ACYP2: variants seen among roughly 807,000 people sequenced by gnomAD.
The protein encoded by ACYP2 is acylphosphatase 2.
In ACYP2, 12 loss-of-function variants were observed where a neutral mutation model predicts 11.2. That is an observed-to-expected ratio of 1.08 (90% CI 0.69 to 1.74). The LOEUF (loss-of-function observed/expected upper bound fraction) is 1.74, where lower values mean the gene tolerates loss of function less well. ACYP2 is among the 40% of genes most tolerant of loss of function. The pLI is 0.00. For missense variants in ACYP2, 134 were observed against 101.9 expected (o/e 1.31, Z -1.35); for synonymous variants, 43 against 32.2 (o/e 1.33, Z -1.13).
At chr2:54,188,353 A>AT (rs1296226115) in intron 6 of ACYP2, among the ~76,000 whole-genome samples, 1 of 152,170 alleles carries the variant, frequency 6.6e-6, no homozygotes, top group African/African-American at 2.4e-5. Flanking sequence ...AAAGTTAAAT[A>AT]TTTTTTCCAT....
intron 2 of ACYP2, among the ~76,000 whole-genome samples, chr2:54,031,118 ACTT>A (rs200127993): frequency 0.017 from 2,511 of 152,114 alleles, 61 homozygotes; most frequent in African/African-American, 0.053. Context: ...GGAGGAAAGC[ACTT>A]CTTCTTCTTT....
intron 6 of ACYP2, among the ~76,000 whole-genome samples, chr2:54,278,416 T>A (rs1029487793): frequency 6.6e-6 from 1 of 152,228 alleles, no homozygotes; most frequent in Non-Finnish European, 1.5e-5. Flanking sequence ...AAGAATAAAT[T>A]GGTGGTTGGA....
rs796257693 is a variant in ACYP2, at chr2:54,298,434, C to T, written c.405-6254C>T. ...TCCCTCCTCAACCCTACTTAAGTATCAGTAAAAATGATTTTTAAAAACCCT... is the reference window on the plus strand; with the variant it reads ...TCCCTCCTCAACCCTACTTAAGTATTAGTAAAAATGATTTTTAAAAACCCT... On this transcript the variant is annotated intron_variant, in intron 6 of 6. Coordinates refer to ENST00000607452, the MANE Select transcript of ACYP2 (RefSeq NM_001320586.2). 3.9e-5 allele frequency among the ~76,000 whole-genome samples: 6 copies of T among 152,280 alleles called. 1 individual carries two copies. Among genetic ancestry groups the T allele is most frequent in the African/African-American group, 1.4e-4 (6 of 41,558 alleles).
At chr2:54,243,280 G>A (rs1182912697) in intron 6 of ACYP2, among the ~76,000 whole-genome samples, 1 of 152,126 alleles carries the variant, frequency 6.6e-6, no homozygotes, top group Non-Finnish European at 1.5e-5. Flanking sequence ...AGATGGTAGA[G>A]CCTACTACAC....
At chr2:54,255,967 T>C (rs767883384) in intron 6 of ACYP2, 251 of 1,613,970 alleles carry the variant, frequency 1.6e-4, no homozygotes, top group Non-Finnish European at 2.1e-4. Context: ...TGCGGGATCC[T>C]GGGGCGCGAC....
rs188506067 is a variant in ACYP2, at chr2:54,295,554, A to C, written c.405-9134A>C. Reference sequence around the variant, plus strand: ...CTCCTCCCACGCATGGAAGCTGTAGACCTGAAGAAGGTAGGCAGATGACAA... The same window carrying C: ...CTCCTCCCACGCATGGAAGCTGTAGCCCTGAAGAAGGTAGGCAGATGACAA... On this transcript the variant is annotated intron_variant, in intron 6 of 6. Transcript: ENST00000607452. Among the ~76,000 whole-genome samples, 21 of 152,262 alleles carry C rather than the reference A, an allele frequency of 1.4e-4. No homozygotes were observed. The South Asian group carries it at 3.5e-3, about 26-fold the overall frequency.
chr2:54,127,851 C>T lies in ACYP2; in HGVS notation c.278-7602C>T, dbSNP rs185308912. Among the ~76,000 whole-genome samples, 14 of 151,960 alleles carry T rather than the reference C, an allele frequency of 9.2e-5. No homozygotes were observed. The East Asian group carries it at 2.7e-3, about 29-fold the overall frequency. On this transcript the variant is annotated intron_variant, in intron 4 of 6. Coordinates refer to ENST00000607452, the MANE Select transcript of ACYP2 (RefSeq NM_001320586.2). ...TTTAAATTGAAGTTTTCATCATTGCCATATCTCATGGCCAATCGACTCATC... is the reference window on the plus strand; with the variant it reads ...TTTAAATTGAAGTTTTCATCATTGCTATATCTCATGGCCAATCGACTCATC...
intron 2 of ACYP2, among the ~76,000 whole-genome samples, chr2:53,979,890 C>G (rs1671668342): frequency 6.6e-6 from 1 of 151,852 alleles, no homozygotes; most frequent in South Asian, 2.1e-4. Context: ...CAAGGTTTCA[C>G]CATGTTGGCC....
chr2:54,083,245 A>G lies in ACYP2; in HGVS notation c.277+25885A>G, dbSNP rs1260506387. On this transcript the variant is annotated intron_variant, in intron 4 of 6. Coordinates refer to ENST00000607452, the MANE Select transcript of ACYP2 (RefSeq NM_001320586.2). ...AGTCTGCTGCCACCCGCCAGGGGTC[A>G]GTTTGCGAATGATGTCTCTCTTGAG... 3.9e-5 allele frequency among the ~76,000 whole-genome samples: 6 copies of G among 152,166 alleles called. No individual in the cohort carries two copies. The East Asian group carries it at 9.6e-4, about 24-fold the overall frequency.
chr2:53,973,905 A>ATTTTTTTTTTT (rs1558445446), intron 2 of ACYP2: 1 of 78,650 alleles, frequency 1.3e-5, no homozygotes, highest in Non-Finnish European at 2.4e-5. Flanking sequence ...GTGTGTGTAT[A>ATTTTTTTTTTT]TATTTTTTTT....
At chr2:53,992,659 C>G (rs771400671) in intron 2 of ACYP2, among the ~76,000 whole-genome samples, 2 of 149,958 alleles carry the variant, frequency 1.3e-5, no homozygotes, top group Non-Finnish European at 3.0e-5. Flanking sequence ...GGTGAAACCC[C>G]GTCTCTACTA....
chr2:54,135,416 A>T, intron 4 of ACYP2, 37 bp from the exon 2 acceptor site: 9 of 1,598,900 alleles, frequency 5.6e-6, no homozygotes, highest in Non-Finnish European at 6.0e-6. Flanking sequence ...TTAAAGGAGG[A>T]CAAGCTGACA....
chr2:54,086,183 G>T (rs1677936248), intron 4 of ACYP2, among the ~76,000 whole-genome samples: 1 of 152,140 alleles, frequency 6.6e-6, no homozygotes, highest in Non-Finnish European at 1.5e-5. Flanking sequence ...GACCTCAGGT[G>T]ATCCACCAGA....
At chr2:54,111,903 G>T (rs1199288073) in intron 4 of ACYP2, among the ~76,000 whole-genome samples, 1 of 152,152 alleles carries the variant, frequency 6.6e-6, no homozygotes, top group Non-Finnish European at 1.5e-5. Context: ...ACCCCATGTG[G>T]TGATGAATTT....
In ACYP2 at chr2:54,223,732, C is replaced by A. The variant is rs548280513; in HGVS notation, c.405-80956C>A. On this transcript the variant is annotated intron_variant, in intron 6 of 6. Transcript: ENST00000607452. ...AATTGACCAAAAGAACTTTAGTTCTCACTCATTTCTAATATAATTTTAATT... is the reference window on the plus strand; with the variant it reads ...AATTGACCAAAAGAACTTTAGTTCTAACTCATTTCTAATATAATTTTAATT... Among the ~76,000 whole-genome samples, 33 of 152,264 alleles carry A rather than the reference C, an allele frequency of 2.2e-4. 1 individual carries two copies. The highest frequency in any genetic ancestry group is 7.5e-4 in the African/African-American group (31 of 41,548).
chr2:54,264,303 C>A (rs763915246), intron 6 of ACYP2, among the ~76,000 whole-genome samples: 2 of 152,182 alleles, frequency 1.3e-5, no homozygotes, highest in Non-Finnish European at 2.9e-5. Context: ...AAAGCTTCCA[C>A]AGCGTGGAAG....
At chr2:54,092,925 A>G (rs946945362) in intron 4 of ACYP2, among the ~76,000 whole-genome samples, 1 of 152,136 alleles carries the variant, frequency 6.6e-6, no homozygotes, top group African/African-American at 2.4e-5. Context: ...TGGCTTTCTA[A>G]GTTTATGTGC....
At chr2:54,083,736 C>T (rs1219367549) in intron 4 of ACYP2, among the ~76,000 whole-genome samples, 1 of 152,072 alleles carries the variant, frequency 6.6e-6, no homozygotes, top group East Asian at 1.9e-4. Flanking sequence ...ACAGAATATG[C>T]TCTTACATCC....
At chr2:54,165,498 C>CTG (rs1448659780) in intron 6 of ACYP2, among the ~76,000 whole-genome samples, 1 of 148,352 alleles carries the variant, frequency 6.7e-6, no homozygotes, top group Non-Finnish European at 1.5e-5. Context: ...CTGTCTCTCT[C>CTG]TGTCTCTCTC....
Sources: gnomAD v4.1 joint callset for allele counts (sites outside exome capture counted in the v4.1 genomes callset) on GRCh38, gnomAD v4.1.1 for gene constraint, MANE v1.5 for transcripts, NCBI Gene and HGNC (gene_info 2026-07-23, HGNC 2026-07-21) for gene names.